Variants in ACCSL observed in about 807,000 individuals in gnomAD.
ACCSL encodes 1-aminocyclopropane-1-carboxylate synthase homolog (inactive) like, also known as probable inactive 1-aminocyclopropane-1-carboxylate synthase-like protein 2.
In ACCSL, 55 loss-of-function variants were observed where a neutral mutation model predicts 61.7. That is an observed-to-expected ratio of 0.89 (90% CI 0.72 to 1.12). ACCSL has a LOEUF of 1.12. Among genes scored for constraint, ACCSL ranks in the 50% most tolerant of loss-of-function variants. ACCSL has a pLI of 0.00. For missense variants in ACCSL, 632 were observed against 698.0 expected (o/e 0.91, Z 1.07); for synonymous variants, 258 against 264.3 (o/e 0.98, Z 0.23).
At chr11:43,943,166 GA>G in the ACCSL span, 1 of 1,504,930 alleles carries the variant, frequency 6.6e-7, no homozygotes, top group Non-Finnish European at 8.9e-7. This position sits in a 1 kb window ranked among gnomAD's most constrained non-coding sequence, Gnocchi z 4.8. Flanking sequence ...GCAGAGCCTG[GA>G]GTGCCTGCGC....
Position 44,059,844 on chromosome 11 carries a change from G to A in ACCSL, c.1631G>A (p.Arg544His), listed in dbSNP as rs767298232. The A allele has an allele frequency of 3.2e-5, 51 of 1,613,262 alleles. No individual in the cohort carries two copies. The highest frequency in any genetic ancestry group is 3.3e-4 in the Middle Eastern group (2 of 6,084). Reference protein sequence around the residue: ...DELPRLKLAMRRFCDVLQEQK... With the variant: ...DELPRLKLAMHRFCDVLQEQK... ...CCCCATTTGAACCCTCTAGCTATGC[G>A]TCGGTTCTGTGATGTGCTGCAGGAG... is the stretch of plus-strand genomic sequence containing the variant. Residue 544 changes from arginine to histidine, a missense_variant, in exon 14 of 14, where the codon CGT becomes CAT. Coordinates refer to ENST00000378832, the MANE Select transcript of ACCSL (RefSeq NM_001031854.2).
chr11:43,922,005 T>G, the ACCSL span, among the ~76,000 whole-genome samples: 1 of 152,212 alleles, frequency 6.6e-6, no homozygotes, highest in Admixed American at 6.5e-5. Context: ...CAGCAGCCTG[T>G]TGCTTTGTTT....
the ACCSL span, among the ~76,000 whole-genome samples, chr11:44,040,077 C>T: frequency 6.6e-6 from 1 of 152,226 alleles, no homozygotes; most frequent in Admixed American, 6.5e-5. Context: ...AGATTGGGAT[C>T]CAGCTCTCCT....
chr11:44,044,841 A>G (rs1432954274), upstream of ACCSL, among the ~76,000 whole-genome samples: 1 of 152,188 alleles, frequency 6.6e-6, no homozygotes, highest in East Asian at 1.9e-4. Context: ...GGCTGCTAGC[A>G]TCTACTGGGC....
chr11:43,958,560 C>T, the ACCSL span, among the ~76,000 whole-genome samples: 1 of 152,198 alleles, frequency 6.6e-6, no homozygotes, highest in Non-Finnish European at 1.5e-5. Context: ...TTCTCTATTG[C>T]AATTCCCCTG....
the ACCSL span, among the ~76,000 whole-genome samples, chr11:44,029,118 C>T: frequency 6.6e-6 from 1 of 152,364 alleles, no homozygotes; most frequent in South Asian, 2.1e-4. Flanking sequence ...CTTTTCCACA[C>T]TGTAATCAGA....
At chr11:43,983,041 C>G in the ACCSL span, among the ~76,000 whole-genome samples, 1 of 152,178 alleles carries the variant, frequency 6.6e-6, no homozygotes, top group Non-Finnish European at 1.5e-5. Flanking sequence ...AGGGGCAGCT[C>G]TCTCTGTCTG....
the ACCSL span, chr11:43,942,869 G>T: frequency 8.0e-7 from 1 of 1,255,298 alleles, no homozygotes; most frequent in South Asian, 2.7e-5. Context: ...GAGCCCCGGC[G>T]CCCCGCCGCC....
At chr11:44,057,536 T>C (rs181182772) in intron 11 of ACCSL, among the ~76,000 whole-genome samples, 28 of 152,362 alleles carry the variant, frequency 1.8e-4, no homozygotes, top group Admixed American at 1.8e-3. Context: ...GATCCTGATA[T>C]AGCCTGAGCA....
At chr11:43,923,795 G>A in the ACCSL span, among the ~76,000 whole-genome samples, 1 of 152,328 alleles carries the variant, frequency 6.6e-6, no homozygotes, top group African/African-American at 2.4e-5. Flanking sequence ...GAGCACAGTG[G>A]AGGAAAACAG....
chr11:44,019,883 C>T, the ACCSL span, among the ~76,000 whole-genome samples: 1 of 152,196 alleles, frequency 6.6e-6, no homozygotes. Context: ...ATTGGTTTAA[C>T]TCTTACATTT....
chr11:43,924,014 C>T, the ACCSL span, among the ~76,000 whole-genome samples: 2 of 152,208 alleles, frequency 1.3e-5, no homozygotes, highest in African/African-American at 4.8e-5. Context: ...TGTGGACACG[C>T]CTTCACTGCT....
At chr11:43,967,511 C>T in the ACCSL span, among the ~76,000 whole-genome samples, 4 of 152,210 alleles carry the variant, frequency 2.6e-5, no homozygotes, top group Admixed American at 1.3e-4. Context: ...CATCTCCCCC[C>T]ATAGTCTTTC....
chr11:44,048,556 GGGGGGT>G lies in ACCSL; in HGVS notation c.504+20_504+25del. Reference sequence around the variant, plus strand: ...GAACACCTTGGTGAGAATTTGGGGTGGGGGGTGGGCAGCATCCTCACGGGCTCCAGT... The same window carrying G: ...GAACACCTTGGTGAGAATTTGGGGTGGGGCAGCATCCTCACGGGCTCCAGT... On this transcript the variant is annotated intron_variant, in intron 1 of 13. Transcript: ENST00000378832. 3.0e-5 allele frequency: 7 copies of G among 229,700 alleles called. No homozygotes were observed. The highest frequency in any genetic ancestry group is 5.3e-5 in the Non-Finnish European group (7 of 132,998). The allele number at this position is 229,700 out of a possible 1,614,324, so 14.2% of individuals were successfully genotyped here. A position where few individuals can be genotyped will look rare whatever the true frequency, so the allele number is the denominator to read the frequency against.
At chr11:44,041,287 G>C in the ACCSL span, among the ~76,000 whole-genome samples, 29 of 152,344 alleles carry the variant, frequency 1.9e-4, no homozygotes, top group Admixed American at 1.8e-3. Context: ...CCTCACAGCA[G>C]TTGTTAGGGT....
chr11:43,947,853 G>T, the ACCSL span, among the ~76,000 whole-genome samples: 1 of 152,138 alleles, frequency 6.6e-6, no homozygotes, highest in Non-Finnish European at 1.5e-5. Context: ...GGAGAGAGAA[G>T]ACAGGAGCCC....
At chr11:44,057,414 T>C (rs1402716205) in intron 11 of ACCSL, among the ~76,000 whole-genome samples, 1 of 152,224 alleles carries the variant, frequency 6.6e-6, no homozygotes, top group African/African-American at 2.4e-5. Context: ...ATCAAGACCT[T>C]TGATACTTGG....
chr11:43,938,334 G>C, the ACCSL span, among the ~76,000 whole-genome samples: 3 of 152,196 alleles, frequency 2.0e-5, no homozygotes, highest in Non-Finnish European at 2.9e-5. Context: ...ACTCGGGCTT[G>C]AGCAATCATG....
chr11:43,965,996 C>T, the ACCSL span, among the ~76,000 whole-genome samples: 7 of 152,068 alleles, frequency 4.6e-5, no homozygotes, highest in East Asian at 1.9e-4. Flanking sequence ...GAGCTAAAGC[C>T]GTAAAACTCC....
Sources: allele counts gnomAD v4.1 joint callset (sites outside exome capture counted in the v4.1 genomes callset), GRCh38; gene constraint gnomAD v4.1.1; non-coding constraint Gnocchi (gnomAD v3.1); transcripts MANE v1.5; gene names NCBI Gene and HGNC (gene_info 2026-07-23, HGNC 2026-07-21).